Variants in FYCO1 observed in about 807,000 individuals in gnomAD.
The protein encoded by FYCO1 is FYVE and coiled-coil domain-containing protein 1.
A neutral mutation model predicts 165.1 loss-of-function variants in FYCO1; 122 were observed. The ratio of observed to expected loss-of-function variants is 0.74; its 90% CI spans 0.64 to 0.86. The LOEUF (loss-of-function observed/expected upper bound fraction) is 0.86. Ranked by LOEUF, FYCO1 falls within the 40% of genes least tolerant of loss-of-function variation. The pLI is 0.00. For synonymous variants in FYCO1, 648 were observed against 742.5 expected (o/e 0.87, Z 2.07); for missense variants, 1,702 against 1,810.3 (o/e 0.94, Z 1.09).
intron 16 of FYCO1, among the ~76,000 whole-genome samples, chr3:45,927,344 G>T (rs912868082): frequency 6.6e-6 from 1 of 152,076 alleles, no homozygotes; most frequent in African/African-American, 2.4e-5. Flanking sequence ...GGTCTACAAT[G>T]GAATTAAATT....
chr3:45,957,209 A>T (rs1356410675), intron 13 of FYCO1, among the ~76,000 whole-genome samples: 1 of 152,262 alleles, frequency 6.6e-6, no homozygotes, highest in Non-Finnish European at 1.5e-5. Context: ...ATACAAAAAG[A>T]TGAATCTCTA....
At chr3:45,954,990 C>T (rs1263553382) in intron 14 of FYCO1, among the ~76,000 whole-genome samples, 1 of 152,196 alleles carries the variant, frequency 6.6e-6, no homozygotes, top group Non-Finnish European at 1.5e-5. Flanking sequence ...CTAATATAGT[C>T]GCTCAAGCCA....
intron 14 of FYCO1, among the ~76,000 whole-genome samples, chr3:45,942,289 G>A (rs1704275726): frequency 6.6e-6 from 1 of 152,212 alleles, no homozygotes; most frequent in African/African-American, 2.4e-5. Context: ...TCTTCTGTTT[G>A]CCTATCTGTA....
intron 16 of FYCO1, 84 bp downstream of exon 16, chr3:45,930,987 G>A: frequency 8.1e-7 from 1 of 1,237,598 alleles, no homozygotes; most frequent in Non-Finnish European, 1.2e-6. Flanking sequence ...AGGATAGGAT[G>A]GCCACTGCCC....
Position 45,993,168 on chromosome 3 carries a change from A to C in FYCO1, c.-113+2554T>G, listed in dbSNP as rs766836710. ...CATCCTCCAAATGGCATCCGGCCTAATGAGAAACAGGCCCTTGGTGCCTTT... is the reference window on the plus strand; with the variant it reads ...CATCCTCCAAATGGCATCCGGCCTACTGAGAAACAGGCCCTTGGTGCCTTT... On this transcript the variant is annotated intron_variant, in intron 1 of 17. Transcript: ENST00000296137. This position sits in a 1 kb window ranked among gnomAD's most constrained non-coding sequence, Gnocchi z 4.4. Among the ~76,000 whole-genome samples the C allele has an allele frequency of 1.2e-4, 18 of 152,230 alleles. No homozygotes were observed. Among genetic ancestry groups the C allele is most frequent in the Non-Finnish European group, 2.1e-4 (14 of 68,038 alleles).
chr3:45,924,683 G>C (rs1267688206), intron 16 of FYCO1, among the ~76,000 whole-genome samples: 1 of 151,838 alleles, frequency 6.6e-6, no homozygotes, highest in East Asian at 1.9e-4. Flanking sequence ...CATGATCTTG[G>C]CTCACTGCAA....
intron 1 of FYCO1, among the ~76,000 whole-genome samples, chr3:45,994,919 C>CA (rs1270138020): frequency 2.0e-5 from 3 of 152,222 alleles, no homozygotes; most frequent in Admixed American, 2.0e-4. Flanking sequence ...AGAGGACACC[C>CA]AATGGGAACA....
intron 17 of FYCO1, 45 bp from the exon 18 acceptor site, chr3:45,921,885 A>T (rs1482334304): frequency 7.6e-7 from 1 of 1,314,522 alleles, no homozygotes; most frequent in East Asian, 2.3e-5. Context: ...CTGAGAGCTG[A>T]AAGTCCGAGG....
At chr3:45,985,813 GT>G (rs1250533652) in intron 1 of FYCO1, among the ~76,000 whole-genome samples, 1 of 152,258 alleles carries the variant, frequency 6.6e-6, no homozygotes, top group African/African-American at 2.4e-5. Context: ...GCCAACAGAA[GT>G]TAAAGAGATG....
chr3:45,986,275 C>T (rs1036946410), intron 1 of FYCO1, among the ~76,000 whole-genome samples: 2 of 152,140 alleles, frequency 1.3e-5, no homozygotes, highest in Non-Finnish European at 2.9e-5. Flanking sequence ...TCCACCGGCT[C>T]GAGGTACTAC....
chr3:45,962,124 G>T lies in FYCO1; in HGVS notation c.3437+101C>A. The T allele has an allele frequency of 7.7e-7, 1 of 1,305,128 alleles. No homozygotes were observed. Among genetic ancestry groups the T allele is most frequent in the South Asian group, 1.2e-5 (1 of 84,498 alleles). The allele number at this position is 1,305,128 out of a possible 1,614,324, so 80.8% of individuals were successfully genotyped here. A position where few individuals can be genotyped will look rare whatever the true frequency, so the allele number is the denominator to read the frequency against. On this transcript the variant is annotated intron_variant, in intron 11 of 17. Transcript: ENST00000296137. The surrounding 1 kb of genome is among the most constrained non-coding windows in gnomAD (Gnocchi z 4.4). Reference sequence around the variant, plus strand: ...GCTCCTGAGACAGCAGCAAGAAAGTGGGGAAATTTCTGAAGTATGCTTTCA... The same window carrying T: ...GCTCCTGAGACAGCAGCAAGAAAGTTGGGAAATTTCTGAAGTATGCTTTCA...
chr3:45,968,067 G>A lies in FYCO1; in HGVS notation c.1267C>T (p.Gln423Ter), dbSNP rs371916098. ...ERTKVEEVNR[Q>*]QSAQLEQLVK... Reference sequence around the variant, plus strand: ...AGCTGTTCCAGTTGGGCACTCTGCTGTCTGTTGACCTCCTCGACCTTGGTT... The same window carrying A: ...AGCTGTTCCAGTTGGGCACTCTGCTATCTGTTGACCTCCTCGACCTTGGTT... The change falls in exon 8 of 18, where the codon CAG becomes TAG. Residue 423 changes from glutamine to a stop codon, truncating the protein, a stop_gained. Coordinates refer to ENST00000296137, the MANE Select transcript of FYCO1 (RefSeq NM_024513.4). LOFTEE classifies it high-confidence loss of function. 9 of 1,614,164 alleles carry A rather than the reference G, an allele frequency of 5.6e-6. No individual in the cohort carries two copies. The highest frequency in any genetic ancestry group is 7.6e-6 in the Non-Finnish European group (9 of 1,180,018).
intron 10 of FYCO1, among the ~76,000 whole-genome samples, chr3:45,963,840 G>A (rs1705839203): frequency 6.6e-6 from 1 of 152,158 alleles, no homozygotes; most frequent in South Asian, 2.1e-4. Flanking sequence ...ATCAGAGTCT[G>A]CACAAAGACA....
chr3:45,969,051 G>A (rs1318131219), intron 7 of FYCO1, among the ~76,000 whole-genome samples: 1 of 152,126 alleles, frequency 6.6e-6, no homozygotes, highest in Non-Finnish European at 1.5e-5. Flanking sequence ...ACCCGTAACT[G>A]CAACTCCTGG....
intron 14 of FYCO1, among the ~76,000 whole-genome samples, chr3:45,950,363 C>G (rs896506979): frequency 6.6e-6 from 1 of 152,144 alleles, no homozygotes; most frequent in Non-Finnish European, 1.5e-5. Flanking sequence ...ATGGCCACAT[C>G]ATCTGAGATG....
rs374951374 is a variant in FYCO1 at position 45,925,765 on chromosome 3, T to C, written c.4252-2000A>G. On this transcript the variant is annotated intron_variant, in intron 16 of 17. Transcript: ENST00000296137. ...AGGGGAGAACCGGCAAGGGGTGCCA[T>C]TCTAGCATCTGGGTGGGAGAGAGGA... Among the ~76,000 whole-genome samples, 5 of 152,230 alleles carry C rather than the reference T, an allele frequency of 3.3e-5. No individual in the cohort carries two copies. The South Asian group carries it at 1.0e-3, about 32-fold the overall frequency.
chr3:45,954,815 A>C (rs1179787198), intron 14 of FYCO1, among the ~76,000 whole-genome samples: 2 of 152,212 alleles, frequency 1.3e-5, no homozygotes, highest in African/African-American at 4.8e-5. Context: ...CCACATGAAG[A>C]GGCAGCAAGG....
At chr3:45,983,763 G>A (rs1707173296) in intron 2 of FYCO1, among the ~76,000 whole-genome samples, 1 of 151,500 alleles carries the variant, frequency 6.6e-6, no homozygotes, top group Non-Finnish European at 1.5e-5. Flanking sequence ...TAATGTCTTA[G>A]CTGAAAGTAG....
chr3:45,952,566 C>T (rs991286541), intron 14 of FYCO1, among the ~76,000 whole-genome samples: 5 of 152,200 alleles, frequency 3.3e-5, no homozygotes, highest in Non-Finnish European at 7.3e-5. Flanking sequence ...AGTCCCAGAT[C>T]CGCCTTGGTG....
Sources: allele counts gnomAD v4.1 joint callset (sites outside exome capture counted in the v4.1 genomes callset), GRCh38; gene constraint gnomAD v4.1.1; non-coding constraint Gnocchi (gnomAD v3.1); transcripts MANE v1.5; gene names NCBI Gene and HGNC (gene_info 2026-07-23, HGNC 2026-07-21).